GRIN2B: variants seen among roughly 807,000 people sequenced by gnomAD.
The protein encoded by GRIN2B is glutamate ionotropic receptor NMDA type subunit 2B.
In GRIN2B, 5 loss-of-function variants were observed where a neutral mutation model predicts 114.5. The ratio of observed to expected loss-of-function variants is 0.04; its 90% confidence interval spans 0.02 to 0.09. The LOEUF (loss-of-function observed/expected upper bound fraction) is 0.09, where lower values mean the gene tolerates loss of function less well. Ranked by LOEUF, GRIN2B falls within the 10% of genes least tolerant of loss-of-function variation. The pLI, the probability that GRIN2B is intolerant of heterozygous loss-of-function variation, is 1.00. For missense variants in GRIN2B, 1,108 were observed against 1,943.5 expected (o/e 0.57, Z 8.08); for synonymous variants, 787 against 745.1 (o/e 1.06, Z -0.92).
chr12:13,901,843 CTG>C (rs1355327345), intron 2 of GRIN2B, among the ~76,000 whole-genome samples: 4 of 152,064 alleles, frequency 2.6e-5, no homozygotes, highest in African/African-American at 9.7e-5. Flanking sequence ...CCTATAGTCT[CTG>C]TATTTTACCT....
At chr12:13,817,465 T>C (rs1864848066) in intron 3 of GRIN2B, among the ~76,000 whole-genome samples, 1 of 152,144 alleles carries the variant, frequency 6.6e-6, no homozygotes, top group Non-Finnish European at 1.5e-5. Flanking sequence ...GTTAGAACTC[T>C]TGAAATCCCA....
At chr12:13,901,066 T>G (rs1369774659) in intron 2 of GRIN2B, among the ~76,000 whole-genome samples, 2 of 152,120 alleles carry the variant, frequency 1.3e-5, no homozygotes, top group African/African-American at 4.8e-5. Flanking sequence ...GCCAAACAAT[T>G]TTTTCAAATT....
intron 5 of GRIN2B, among the ~76,000 whole-genome samples, chr12:13,665,150 T>C: frequency 1.9e-5 from 1 of 52,090 alleles, no homozygotes; most frequent in East Asian, 6.6e-4. Context: ...TGTGTGTTTG[T>C]GTGTGTGTGT....
At chr12:13,740,194 G>T (rs113046153) in intron 4 of GRIN2B, among the ~76,000 whole-genome samples, 1 of 152,108 alleles carries the variant, frequency 6.6e-6, no homozygotes, top group African/African-American at 2.4e-5. Context: ...GAAATTCTTC[G>T]TTCCTGAAGC....
At chr12:13,783,539 C>T (rs1864161183) in intron 3 of GRIN2B, among the ~76,000 whole-genome samples, 1 of 151,910 alleles carries the variant, frequency 6.6e-6, no homozygotes, top group Non-Finnish European at 1.5e-5. Context: ...TTAACAGAGA[C>T]ATATTTCAAA....
chr12:13,629,105 T>C (rs1034284398), intron 5 of GRIN2B, among the ~76,000 whole-genome samples: 1 of 152,176 alleles, frequency 6.6e-6, no homozygotes, highest in East Asian at 1.9e-4. Flanking sequence ...GTCAAATTCA[T>C]AGAACAGTTT....
At chr12:13,758,954 G>A (rs1158494688) in intron 3 of GRIN2B, among the ~76,000 whole-genome samples, 1 of 151,002 alleles carries the variant, frequency 6.6e-6, no homozygotes, top group East Asian at 1.9e-4. Context: ...TATTTACTGG[G>A]TGGGAGAGTA....
intron 2 of GRIN2B, among the ~76,000 whole-genome samples, chr12:13,884,255 T>C (rs1866116225): frequency 7.4e-6 from 1 of 135,712 alleles, no homozygotes; most frequent in African/African-American, 2.5e-5. Flanking sequence ...TGTTAATTCC[T>C]ACAAAAAAAA....
rs1478042346 is a variant in GRIN2B, at chr12:13,559,580, C to T, written c.*3203G>A. On this transcript the variant is annotated 3_prime_UTR_variant, in exon 14 of 14. Coordinates refer to ENST00000609686, the MANE Select transcript of GRIN2B (RefSeq NM_000834.5). ...CCCACCCTCCCACGTCTAAACCTAA[C>T]TTCAGCAATCTTGCTAAGGGAATCA... 1 of 152,238 alleles carries T rather than the reference C, an allele frequency of 6.6e-6. No individual in the cohort carries two copies. Among genetic ancestry groups the T allele is most frequent in the Non-Finnish European group, 1.5e-5 (1 of 68,042 alleles). 9.4% of individuals were successfully genotyped at this position (152,238 alleles called of 1,614,324 possible).
intron 5 of GRIN2B, among the ~76,000 whole-genome samples, chr12:13,646,930 G>GGAGTTGT (rs1949766300): frequency 6.6e-6 from 1 of 152,108 alleles, no homozygotes; most frequent in Non-Finnish European, 1.5e-5. Context: ...CGCATGGCCA[G>GGAGTTGT]GAGCTGTGAG....
chr12:13,932,481 C>T (rs1565591431), intron 2 of GRIN2B, among the ~76,000 whole-genome samples: 1 of 152,284 alleles, frequency 6.6e-6, no homozygotes, highest in East Asian at 1.9e-4. Context: ...TACAGCAATG[C>T]CTACCACTTA....
Position 13,753,790 on chromosome 12 carries a change from G to A in GRIN2B, c.537C>T (p.Tyr179=), listed in dbSNP as rs1863531697. The part of the protein sequence containing the change: ...FSIVTTYFPG[Y]QDFVNKIRST... ...TGCGGATCTTGTTTACAAAGTCCTG[G>A]TAGCCAGGGAAATAGGTGGTGACGA... Residue 179 remains tyrosine, a synonymous_variant, in exon 4 of 14, where the codon TAC becomes TAT. Transcript: ENST00000609686. This position sits in a 1 kb window ranked among gnomAD's most constrained non-coding sequence, Gnocchi z 6.2. 1 of 1,613,648 alleles carries A rather than the reference G, an allele frequency of 6.2e-7. No homozygotes were observed. Among genetic ancestry groups the A allele is most frequent in the African/African-American group, 1.3e-5 (1 of 74,872 alleles).
Position 13,764,762 on chromosome 12 carries a change from T to C in GRIN2B, c.412-10847A>G, listed in dbSNP as rs546736956. Among the ~76,000 whole-genome samples the C allele has an allele frequency of 4.6e-5, 7 of 152,374 alleles. No homozygotes were observed. In the East Asian group the frequency reaches 1.3e-3, roughly 29 times the overall value. On this transcript the variant is annotated intron_variant, in intron 3 of 13. Coordinates refer to ENST00000609686, the MANE Select transcript of GRIN2B (RefSeq NM_000834.5). The stretch of plus-strand genomic sequence containing the variant: ...TGGCATTTCACCCGGATACTTTTCC[T>C]CTGATGGAAGTTGACAAGCAAGAAA...
Position 13,750,683 on chromosome 12 carries a change from G to A in GRIN2B, c.1010+2634C>T, listed in dbSNP as rs114031351. Among the ~76,000 whole-genome samples, 908 of 152,318 alleles carry A rather than the reference G, an allele frequency of 6.0e-3. 2 individuals carry two copies. The highest frequency in any genetic ancestry group is 0.02 in the African/African-American group (839 of 41,574). On this transcript the variant is annotated intron_variant, in intron 4 of 13. Coordinates refer to ENST00000609686, the MANE Select transcript of GRIN2B (RefSeq NM_000834.5). Reference sequence around the variant, plus strand: ...ACTGAATCAACAGTACATTTTTCAAGGGAATCTTTATTATCTTGCAAGAAC... The same window carrying A: ...ACTGAATCAACAGTACATTTTTCAAAGGAATCTTTATTATCTTGCAAGAAC...
At chr12:13,764,758 T>C (rs1207442196) in intron 3 of GRIN2B, among the ~76,000 whole-genome samples, 2 of 152,268 alleles carry the variant, frequency 1.3e-5, no homozygotes, top group African/African-American at 4.8e-5. Flanking sequence ...CCGGATACTT[T>C]TCCTCTGATG....
intron 5 of GRIN2B, among the ~76,000 whole-genome samples, chr12:13,628,052 C>T (rs1457580782): frequency 2.6e-5 from 4 of 152,208 alleles, no homozygotes; most frequent in African/African-American, 7.2e-5. Flanking sequence ...TTTTACCACT[C>T]CTCTATGCCA....
intron 3 of GRIN2B, among the ~76,000 whole-genome samples, chr12:13,807,901 G>A (rs1005145777): frequency 6.6e-6 from 1 of 151,918 alleles, no homozygotes; most frequent in African/African-American, 2.4e-5. Context: ...CTCCTCTGAA[G>A]GGAAGTTTAA....
chr12:13,825,966 T>C (rs1280690243), intron 3 of GRIN2B, among the ~76,000 whole-genome samples: 1 of 151,946 alleles, frequency 6.6e-6, no homozygotes. Flanking sequence ...TTATTATTAA[T>C]ATGTTTGGCT....
At chr12:13,890,760 T>A (rs1032519809) in intron 2 of GRIN2B, among the ~76,000 whole-genome samples, 2 of 152,154 alleles carry the variant, frequency 1.3e-5, no homozygotes, top group African/African-American at 4.8e-5. Flanking sequence ...GAAGGGCCCA[T>A]GAAATTAAAT....
Sources: gnomAD v4.1 joint callset for allele counts (sites outside exome capture counted in the v4.1 genomes callset) on GRCh38, gnomAD v4.1.1 for gene constraint, Gnocchi (gnomAD v3.1) non-coding constraint, MANE v1.5 for transcripts, NCBI Gene and HGNC (gene_info 2026-07-23, HGNC 2026-07-21) for gene names.